DDX6: variants seen among roughly 807,000 people sequenced by gnomAD.
DDX6 encodes probable ATP-dependent RNA helicase DDX6.
DDX6 carries 7 observed loss-of-function variants against 60.6 expected under a neutral mutation model. That is an observed-to-expected ratio of 0.12 (90% CI 0.07 to 0.22). The LOEUF is 0.22. DDX6 is among the 10% of genes least tolerant of loss of function. The pLI is 1.00. For missense variants in DDX6, 270 were observed against 589.9 expected (o/e 0.46, Z 5.62); for synonymous variants, 207 against 201.0 (o/e 1.03, Z -0.25).
chr11:118,782,452 T>C (rs1555164868), intron 2 of DDX6, among the ~76,000 whole-genome samples: 1 of 151,418 alleles, frequency 6.6e-6, no homozygotes, highest in African/African-American at 2.4e-5. Flanking sequence ...AGACAAAGTA[T>C]TTAACTGTGA....
Position 118,755,509 on chromosome 11 carries a change from A to G in DDX6, c.1175-6T>C, listed in dbSNP as rs782294374. The G allele has an allele frequency of 2.7e-6, 4 of 1,480,274 alleles. No individual in the cohort carries two copies. The highest frequency in any genetic ancestry group is 3.8e-6 in the Non-Finnish European group (4 of 1,065,636). The allele number at this position is 1,480,274 out of a possible 1,614,324, so 91.7% of individuals were successfully genotyped here. On this transcript the variant is annotated splice_region_variant and splice_polypyrimidine_tract_variant and intron_variant, in intron 11 of 13. Transcript: ENST00000534980. ...AATACCTCGGGTAAACAGATCTTAA[A>G]AAAAAAAAGATAATTTTCATTTTTT...
In DDX6 at chr11:118,754,708, CTTG is replaced by C; in HGVS notation, c.*1_*3del. 1 of 1,602,572 alleles carries C rather than the reference CTTG, an allele frequency of 6.2e-7. No individual in the cohort carries two copies. Among genetic ancestry groups the C allele is most frequent in the Non-Finnish European group, 8.5e-7 (1 of 1,176,732 alleles). On this transcript the variant is annotated 3_prime_UTR_variant, in exon 13 of 14. Transcript: ENST00000534980. ...AGCTGTTCTGTCAGGGACGTACATGCTTGTTAAGGTTTCTCATCTTCTACAGGC... is the reference window on the plus strand; with the variant it reads ...AGCTGTTCTGTCAGGGACGTACATGCTTAAGGTTTCTCATCTTCTACAGGC...
At position 118,786,215 on chromosome 11, in the gene DDX6, C is replaced by G; in HGVS notation, c.37G>C (p.Gly13Arg). Residue 13 changes from glycine (G) to arginine (R), a missense_variant, in exon 2 of 14, where the codon GGT becomes CGT. Around this residue, in one of 8 missense-constraint regions of DDX6, gnomAD observed 102 missense variants for 110.5 expected, o/e 0.92. Transcript: ENST00000534980. ...AGCTGACCATTTTGACTGGACAGAC[C>G]CATTATAACAGGGTTCTCTGTTCTG... The part of the protein sequence containing the change: ...TARTENPVIM[G>R]LSSQNGQLRG... The G allele has an allele frequency of 6.2e-7, 1 of 1,613,510 alleles. No individual in the cohort carries two copies. Among genetic ancestry groups the G allele is most frequent in the East Asian group, 2.2e-5 (1 of 44,872 alleles).
intron 7 of DDX6, 36 bp downstream of exon 7, chr11:118,763,176 T>C (rs1565565635): frequency 1.4e-6 from 2 of 1,452,778 alleles, no homozygotes; most frequent in South Asian, 1.3e-5. Flanking sequence ...CACAGAAAAG[T>C]ACAGAACAGT....
In DDX6 at chr11:118,753,499, C is replaced by A. The variant is rs534448129; in HGVS notation, c.*7+1206G>T. Among the ~76,000 whole-genome samples the A allele has an allele frequency of 4.0e-5, 6 of 151,378 alleles. No individual in the cohort carries two copies. The South Asian group carries it at 1.3e-3, about 32-fold the overall frequency. ...GGACTACAGGTGCGTGTCACCATGC[C>A]CGGCTAATTTTTGTATTTTTAGTAG... On this transcript the variant is annotated intron_variant, in intron 13 of 13. Transcript: ENST00000534980.
intron 4 of DDX6, 82 bp downstream of exon 4, chr11:118,779,550 G>A (rs1252890702): frequency 1.2e-6 from 1 of 845,606 alleles, no homozygotes; most frequent in Non-Finnish European, 1.9e-6. Context: ...TTAGTTCACT[G>A]TATCACTTCT....
At chr11:118,763,652 G>A (rs1555160750) in intron 6 of DDX6, among the ~76,000 whole-genome samples, 1 of 151,904 alleles carries the variant, frequency 6.6e-6, no homozygotes, top group African/African-American at 2.4e-5. Flanking sequence ...TGGCCAACAC[G>A]GTGAAACCCT....
At chr11:118,780,043 G>A (rs888496722) in intron 3 of DDX6, among the ~76,000 whole-genome samples, 3 of 139,638 alleles carry the variant, frequency 2.1e-5, no homozygotes, top group Non-Finnish European at 3.0e-5. Flanking sequence ...TTGAACCCAG[G>A]AGACGGAGGT....
At chr11:118,775,498 C>T (rs1861669180) in intron 4 of DDX6, among the ~76,000 whole-genome samples, 1 of 151,702 alleles carries the variant, frequency 6.6e-6, no homozygotes, top group Non-Finnish European at 1.5e-5. Context: ...TTGTGCTTTC[C>T]ATGGATCCCC....
At chr11:118,778,928 C>G (rs1403337432) in intron 4 of DDX6, among the ~76,000 whole-genome samples, 2 of 151,958 alleles carry the variant, frequency 1.3e-5, no homozygotes, top group African/African-American at 4.8e-5. Context: ...GTCTGTAATC[C>G]TAGCACTATG....
rs1860907201 is a variant in DDX6, at chr11:118,754,768, T to C, written c.1396A>G (p.Lys466Glu). Residue 466 changes from lysine (K) to glutamate (E), a missense_variant, in exon 13 of 14, where the codon AAG becomes GAG. Transcript: ENST00000534980. The stretch of plus-strand genomic sequence containing the variant: ...TGGTATTCTGCCACATACAGGCTCT[T>C]ATCAATGTTGCTCGGAATAGGTTTA... ...EIKPIPSNIDKSLYVAEYHSE... is the reference protein window; with the variant it reads ...EIKPIPSNIDESLYVAEYHSE... The C allele has an allele frequency of 1.2e-6, 2 of 1,613,866 alleles. No individual in the cohort carries two copies. Among genetic ancestry groups the C allele is most frequent in the Non-Finnish European group, 1.7e-6 (2 of 1,179,858 alleles).
intron 10 of DDX6, among the ~76,000 whole-genome samples, chr11:118,756,883 A>G (rs1555159086): frequency 6.6e-6 from 1 of 152,228 alleles, no homozygotes. Context: ...TTAAACATGG[A>G]AAGGAAGGGA....
At chr11:118,789,800 G>A (rs1008240482) in intron 1 of DDX6, 2 of 152,166 alleles carry the variant, frequency 1.3e-5, no homozygotes, top group African/African-American at 2.4e-5. Flanking sequence ...AATCCAAAAT[G>A]AGACTATGTG....
intron 13 of DDX6, among the ~76,000 whole-genome samples, chr11:118,753,183 C>A (rs1860839235): frequency 6.6e-6 from 1 of 151,954 alleles, no homozygotes; most frequent in Non-Finnish European, 1.5e-5. Context: ...CGCCCGCCAC[C>A]ATGCCTGGCT....
rs1862080115 is a variant in DDX6 at position 118,786,538 on chromosome 11, T to C, written c.-267-20A>G. On this transcript the variant is annotated intron_variant, in intron 1 of 13. Coordinates refer to ENST00000534980, the MANE Select transcript of DDX6 (RefSeq NM_004397.6). ...GTCAATCTGAAACAAACAAACAAAA[T>C]TAAATTAGCAAACACAACAGAAAAA... The C allele has an allele frequency of 3.7e-6, 1 of 268,180 alleles. No homozygotes were observed. Among genetic ancestry groups the C allele is most frequent in the African/African-American group, 2.2e-5 (1 of 46,078 alleles). The allele number at this position is 268,180 out of a possible 1,614,324, so 16.6% of individuals were successfully genotyped here.
chr11:118,754,883 G>A lies in DDX6; in HGVS notation c.1281C>T (p.Arg427=). ...TGATGGCTAAGCCAAGATGACCAAA[G>A]CGACCTAAAAAACATGCGTTTAAAA... ...TYLHRIGRSG[R]FGHLGLAINL... The change falls in exon 13 of 14, where the codon CGC becomes CGT. Residue 427 remains arginine (R), a synonymous_variant. Transcript: ENST00000534980. 6.3e-7 allele frequency: 1 copy of A among 1,593,030 alleles called. No individual in the cohort carries two copies. The highest frequency in any genetic ancestry group is 1.2e-5 in the South Asian group (1 of 86,496).
At position 118,765,347 on chromosome 11, in the gene DDX6, T is replaced by C. The variant is rs374784901; in HGVS notation, c.508A>G (p.Ile170Val). ...AGAGCAAGTTCTCTAGTGGGAACAATCACCATTGCTGAAACAGTATCAAGG... is the reference window on the plus strand; with the variant it reads ...AGAGCAAGTTCTCTAGTGGGAACAACCACCATTGCTGAAACAGTATCAAGG... ...LKKDNIQAMV[I>V]VPTRELALQV... Residue 170 changes from isoleucine (I) to valine (V), a missense_variant, in exon 6 of 14, where the codon ATT becomes GTT. Physicochemically the swap from Ile to Val is conservative, Grantham distance 29. Around this residue, in one of 8 missense-constraint regions of DDX6, gnomAD observed 17 missense variants for 81.7 expected, o/e 0.21. Coordinates refer to ENST00000534980, the MANE Select transcript of DDX6 (RefSeq NM_004397.6). 5.6e-6 allele frequency: 9 copies of C among 1,613,828 alleles called. No individual in the cohort carries two copies. The African/African-American group carries it at 1.1e-4, about 19-fold the overall frequency.
At chr11:118,779,121 A>G (rs1269994696) in intron 4 of DDX6, among the ~76,000 whole-genome samples, 1 of 141,942 alleles carries the variant, frequency 7.0e-6, no homozygotes, top group Admixed American at 7.6e-5. Flanking sequence ...AGGCCACTGA[A>G]CTCCAGCCTG....
At chr11:118,753,879 G>A (rs981188680) in intron 13 of DDX6, among the ~76,000 whole-genome samples, 6 of 151,902 alleles carry the variant, frequency 3.9e-5, no homozygotes, top group Non-Finnish European at 8.8e-5. Flanking sequence ...TAGATCACTT[G>A]AGGTCAGGAG....
Sources: allele counts gnomAD v4.1 joint callset (sites outside exome capture counted in the v4.1 genomes callset), GRCh38; gene constraint gnomAD v4.1.1; regional missense constraint gnomAD v4.1.1; transcripts MANE v1.5; gene names NCBI Gene and HGNC (gene_info 2026-07-23, HGNC 2026-07-21).